Variants in SPATA6L observed in about 807,000 individuals in gnomAD.
SPATA6L encodes spermatogenesis associated 6-like protein.
A neutral mutation model predicts 49.2 loss-of-function variants in SPATA6L; 68 were observed. The ratio of observed to expected loss-of-function variants is 1.38; its 90% confidence interval spans 1.14 to 1.69. The LOEUF (loss-of-function observed/expected upper bound fraction) is 1.69. Among genes scored for constraint, SPATA6L ranks in the 40% most tolerant of loss-of-function variants. SPATA6L has a pLI of 0.00. For synonymous variants in SPATA6L, 198 were observed against 165.7 expected, an observed-to-expected ratio of 1.19 and a Z score of -1.50; for missense variants, 668 against 464.3, an observed-to-expected ratio of 1.44 and a Z score of -4.03.
chr9:4,605,833 C>T (rs1402799877), intron 9 of SPATA6L, among the ~76,000 whole-genome samples: 1 of 152,208 alleles, frequency 6.6e-6, no homozygotes, highest in Non-Finnish European at 1.5e-5. Context: ...AGGAACAGCT[C>T]CGGTCTCCAG....
intron 2 of SPATA6L, among the ~76,000 whole-genome samples, 198 bp downstream of exon 2, chr9:4,661,701 A>G (rs1839794597): frequency 6.6e-6 from 1 of 152,332 alleles, no homozygotes; most frequent in East Asian, 1.9e-4. Flanking sequence ...GGTATTTAGC[A>G]CTAGATTGAC....
Position 4,662,868 on chromosome 9 carries a change from GTGCTGATGAACCTGCTCTTCGCCC to G in SPATA6L, c.40-856_40-833del. On this transcript the variant is annotated intron_variant, in intron 1 of 11. Transcript: ENST00000682582. This position sits in a 1 kb window ranked among gnomAD's most constrained non-coding sequence, Gnocchi z 4.9. ...GAGCGACAGCTGGGCCGGGCGCGAG[GTGCTGATGAACCTGCTCTTCGCCC>G]TGCTGTTGGACCTGCTGCTGGTGGC... is the stretch of plus-strand genomic sequence containing the variant. 3 of 1,605,940 alleles carry G rather than the reference GTGCTGATGAACCTGCTCTTCGCCC, an allele frequency of 1.9e-6. No homozygotes were observed. The highest frequency in any genetic ancestry group is 2.5e-6 in the Non-Finnish European group (3 of 1,179,954).
intron 5 of SPATA6L, chr9:4,626,659 A>T: frequency 1.0e-6 from 1 of 994,490 alleles, no homozygotes; most frequent in South Asian, 1.7e-5. Flanking sequence ...TTAAAAATTA[A>T]ATCTTTCTGT....
chr9:4,609,644 T>C (rs938876537), intron 9 of SPATA6L, among the ~76,000 whole-genome samples: 9 of 151,450 alleles, frequency 5.9e-5, no homozygotes, highest in Non-Finnish European at 8.8e-5. Flanking sequence ...TGGGACGTAT[T>C]TCAAAATAAT....
intron 3 of SPATA6L, among the ~76,000 whole-genome samples, chr9:4,648,446 T>C (rs950643607): frequency 5.9e-5 from 9 of 152,126 alleles, no homozygotes; most frequent in Admixed American, 4.6e-4. Flanking sequence ...ACGCCTGTAA[T>C]CCCAGCACTT....
At chr9:4,625,216 C>A (rs181812194) in intron 6 of SPATA6L, 111 bp downstream of exon 6, 2 of 1,443,908 alleles carry the variant, frequency 1.4e-6, no homozygotes, top group Non-Finnish European at 1.8e-6. Flanking sequence ...ATTTGAAGTA[C>A]CTTTTTATTG....
chr9:4,607,345 G>A (rs1389369509), intron 9 of SPATA6L, among the ~76,000 whole-genome samples: 4 of 152,054 alleles, frequency 2.6e-5, no homozygotes, highest in Non-Finnish European at 5.9e-5. Flanking sequence ...ATAATTGTCA[G>A]ATTCACCAAA....
rs576923235 is a variant in SPATA6L, at chr9:4,612,052, C to G, written c.995+5871G>C. Among the ~76,000 whole-genome samples the G allele has an allele frequency of 2.5e-3, 379 of 151,914 alleles. 2 individuals are homozygous for G. The highest frequency in any genetic ancestry group is 8.5e-3 in the African/African-American group (353 of 41,414). On this transcript the variant is annotated intron_variant, in intron 9 of 11. Transcript: ENST00000682582. ...AAGAGATAGGGTCTTGCTACCCAGG[C>G]TGGTCTCGAACTCCTGGGCTCAAGG... is the stretch of plus-strand genomic sequence containing the variant.
In SPATA6L at chr9:4,606,231, C is replaced by T. The variant is rs556810174; in HGVS notation, c.996-791G>A. 9.5e-5 allele frequency among the ~76,000 whole-genome samples: 14 copies of T among 147,580 alleles called. No individual in the cohort carries two copies. The East Asian group carries it at 1.0e-3, about 11-fold the overall frequency. ...GCAGCGAGGCTGGGGGAGGGGCGCC[C>T]GCCATTGCCCAGGCTTGCTGAGGTA... is the stretch of plus-strand genomic sequence containing the variant. On this transcript the variant is annotated intron_variant, in intron 9 of 11. Coordinates refer to ENST00000682582, the MANE Select transcript of SPATA6L (RefSeq NM_001353486.2).
Position 4,662,422 on chromosome 9 carries a change from C to T in SPATA6L, c.40-386G>A, listed in dbSNP as rs765650862. ...ATGGAGGGACGGCCGCTGGGCGTCT[C>T]CGCTTCGAGCAGCAGCAGCAGCCCC... is the stretch of plus-strand genomic sequence containing the variant. On this transcript the variant is annotated intron_variant, in intron 1 of 11. Transcript: ENST00000682582. The surrounding 1 kb of genome is among the most constrained non-coding windows in gnomAD (Gnocchi z 4.9). 1.3e-6 allele frequency: 2 copies of T among 1,539,790 alleles called. No individual in the cohort carries two copies. Among genetic ancestry groups the T allele is most frequent in the Non-Finnish European group, 8.7e-7 (1 of 1,151,184 alleles).
chr9:4,639,802 G>A (rs1461182559), intron 3 of SPATA6L, among the ~76,000 whole-genome samples: 3 of 152,192 alleles, frequency 2.0e-5, no homozygotes, highest in African/African-American at 4.8e-5. Flanking sequence ...TTGGCTGAAG[G>A]AATATCCAAC....
intron 3 of SPATA6L, among the ~76,000 whole-genome samples, chr9:4,654,961 C>A (rs1837778885): frequency 6.6e-6 from 1 of 152,112 alleles, no homozygotes; most frequent in Non-Finnish European, 1.5e-5. Flanking sequence ...ACTTCCCTTC[C>A]CTGGTCCATA....
intron 3 of SPATA6L, 127 bp from the exon 4 acceptor site, chr9:4,635,526 T>A: frequency 1.1e-6 from 1 of 891,786 alleles, no homozygotes; most frequent in Non-Finnish European, 1.6e-6. Flanking sequence ...TCCTAGCACA[T>A]GTTATTCAAG....
intron 4 of SPATA6L, among the ~76,000 whole-genome samples, chr9:4,630,178 G>A (rs999332085): frequency 2.0e-5 from 3 of 152,028 alleles, no homozygotes; most frequent in African/African-American, 7.3e-5. Context: ...TAACATGAGG[G>A]GGATTTTAGG....
intron 9 of SPATA6L, 34 bp from the exon 10 acceptor site, chr9:4,605,474 G>C: frequency 6.6e-7 from 1 of 1,507,484 alleles, no homozygotes; most frequent in Non-Finnish European, 9.2e-7. Flanking sequence ...GGAATATTAA[G>C]CAGCTACTAA....
chr9:4,589,539 A>C (rs1348819441), intron 13 of SPATA6L, among the ~76,000 whole-genome samples: 1 of 152,232 alleles, frequency 6.6e-6, no homozygotes, highest in Non-Finnish European at 1.5e-5. Context: ...AATCTAAAGA[A>C]TATCAAACTT....
chr9:4,664,436 A>C (rs139655092), intron 1 of SPATA6L: 2 of 167,080 alleles, frequency 1.2e-5, no homozygotes. Flanking sequence ...GTCTGCTGCT[A>C]TACCAGGCAC....
chr9:4,656,506 G>GGAAGGA, intron 2 of SPATA6L, among the ~76,000 whole-genome samples: 1 of 123,692 alleles, frequency 8.1e-6, no homozygotes, highest in African/African-American at 4.1e-5. Context: ...GGAAGGAAGG[G>GGAAGGA]AGGAGCCGTA....
intron 9 of SPATA6L, among the ~76,000 whole-genome samples, chr9:4,614,217 C>T (rs1827444800): frequency 6.6e-6 from 1 of 152,182 alleles, no homozygotes; most frequent in African/African-American, 2.4e-5. Flanking sequence ...ATACAGGGAA[C>T]AGGCTTGGCA....
Sources: gnomAD v4.1 joint callset for allele counts (sites outside exome capture counted in the v4.1 genomes callset) on GRCh38, gnomAD v4.1.1 for gene constraint, Gnocchi (gnomAD v3.1) non-coding constraint, MANE v1.5 for transcripts, NCBI Gene and HGNC (gene_info 2026-07-23, HGNC 2026-07-21) for gene names.